Variants in ME1 observed in about 807,000 individuals in gnomAD.
The protein encoded by ME1 is malic enzyme 1.
A neutral mutation model predicts 66.4 loss-of-function variants in ME1; 74 were observed. The ratio of observed to expected loss-of-function variants is 1.11; its 90% CI spans 0.92 to 1.35. The LOEUF (loss-of-function observed/expected upper bound fraction) is 1.35. ME1 is among the 40% of genes most tolerant of loss of function. The probability of loss-of-function intolerance (pLI) is 0.00; values close to 1 mark genes in which losing one functional copy is unlikely to be tolerated. For synonymous variants in ME1, 251 were observed against 235.6 expected (o/e 1.07, Z -0.60); for missense variants, 750 against 694.1 (o/e 1.08, Z -0.90).
chr6:83,392,928 G>A (rs1216561066), intron 3 of ME1: 10 of 818,346 alleles, frequency 1.2e-5, no homozygotes, highest in African/African-American at 1.2e-4. Context: ...TGGTACCGTG[G>A]AAGGACTCAT....
intron 3 of ME1, among the ~76,000 whole-genome samples, chr6:83,389,260 G>C (rs1769573493): frequency 6.6e-6 from 1 of 152,144 alleles, no homozygotes; most frequent in Non-Finnish European, 1.5e-5. Context: ...AAGATTATAT[G>C]AATACTTTAT....
intron 1 of ME1, among the ~76,000 whole-genome samples, chr6:83,410,157 T>C (rs1770022773): frequency 6.6e-6 from 1 of 152,112 alleles, no homozygotes; most frequent in African/African-American, 2.4e-5. Flanking sequence ...CACTGCTTTC[T>C]CCCTAGTGCT....
intron 5 of ME1, among the ~76,000 whole-genome samples, chr6:83,324,365 T>C (rs567221739): frequency 1.3e-5 from 2 of 151,216 alleles, no homozygotes; most frequent in Middle Eastern, 3.4e-3. Context: ...GATAAAGACA[T>C]GAAAAACCCT....
intron 3 of ME1, among the ~76,000 whole-genome samples, chr6:83,368,256 T>C (rs1769136295): frequency 6.6e-6 from 1 of 151,542 alleles, no homozygotes; most frequent in Non-Finnish European, 1.5e-5. Flanking sequence ...ATTTGAAATA[T>C]TGTGAGAATT....
chr6:83,223,356 T>C (rs918399389), intron 12 of ME1, among the ~76,000 whole-genome samples: 3 of 152,160 alleles, frequency 2.0e-5, no homozygotes, highest in African/African-American at 7.2e-5. Flanking sequence ...AGTTTCACCA[T>C]GTTGGCCAAG....
At chr6:83,231,554 A>T (rs1790307143) in intron 9 of ME1, among the ~76,000 whole-genome samples, 1 of 152,356 alleles carries the variant, frequency 6.6e-6, no homozygotes, top group Admixed American at 6.5e-5. Context: ...AACTACTGGA[A>T]TGTGACAACC....
intron 3 of ME1, among the ~76,000 whole-genome samples, chr6:83,360,775 A>G (rs1386977050): frequency 6.6e-6 from 1 of 152,238 alleles, no homozygotes; most frequent in Non-Finnish European, 1.5e-5. Flanking sequence ...CAGACAGATC[A>G]TAGAGAATGA....
At chr6:83,292,107 T>C (rs1205030224) in intron 6 of ME1, among the ~76,000 whole-genome samples, 4 of 152,206 alleles carry the variant, frequency 2.6e-5, no homozygotes, top group Admixed American at 6.5e-5. Context: ...ATCAACCTTC[T>C]GAAGCCTACT....
intron 5 of ME1, among the ~76,000 whole-genome samples, chr6:83,316,763 C>A (rs1446762554): frequency 1.3e-5 from 2 of 151,932 alleles, no homozygotes; most frequent in Non-Finnish European, 2.9e-5. Flanking sequence ...ATCAATTTTA[C>A]CTCTATACAC....
intron 3 of ME1, among the ~76,000 whole-genome samples, chr6:83,355,137 A>G (rs796212202): frequency 3.9e-5 from 6 of 152,286 alleles, no homozygotes; most frequent in African/African-American, 1.2e-4. Context: ...TCATAGTCCA[A>G]TGTGAGCCTA....
intron 5 of ME1, among the ~76,000 whole-genome samples, chr6:83,321,379 T>C (rs1768170075): frequency 6.6e-6 from 1 of 152,280 alleles, no homozygotes; most frequent in Admixed American, 6.5e-5. Flanking sequence ...TCCATCCCTA[T>C]GGAGCCCAGC....
At chr6:83,346,613 C>G (rs556436152) in intron 4 of ME1, among the ~76,000 whole-genome samples, 79 of 152,242 alleles carry the variant, frequency 5.2e-4, no homozygotes, top group African/African-American at 1.8e-3. Context: ...TCAAGAAGAG[C>G]AAGTGGGTAA....
At chr6:83,281,665 G>C (rs1767290139) in intron 6 of ME1, among the ~76,000 whole-genome samples, 1 of 151,708 alleles carries the variant, frequency 6.6e-6, no homozygotes, top group African/African-American at 2.4e-5. Context: ...AATTAGCCGA[G>C]TGTGGTGGTG....
At position 83,315,395 on chromosome 6, in the gene ME1, G is replaced by A. The variant is rs942294122; in HGVS notation, c.619C>T (p.Leu207Phe). The change falls in exon 6 of 14, where the codon CTC becomes TTC. Residue 207 changes from leucine to phenylalanine, a missense_variant. Transcript: ENST00000369705. ...TENEELLKDPLYIGLRQRRVR... is the reference protein window; with the variant it reads ...TENEELLKDPFYIGLRQRRVR... ...CTTCTCTGCCGTAGTCCAATGTAGAGTGGATCTTTAAGTAACTCCTATTAA... is the reference window on the plus strand; with the variant it reads ...CTTCTCTGCCGTAGTCCAATGTAGAATGGATCTTTAAGTAACTCCTATTAA... The A allele has an allele frequency of 7.5e-6, 12 of 1,599,670 alleles. No individual in the cohort carries two copies. The Admixed American group carries it at 1.7e-4, about 23-fold the overall frequency.
chr6:83,241,610 CAGAA>C (rs1201319673), intron 7 of ME1, among the ~76,000 whole-genome samples: 1 of 152,004 alleles, frequency 6.6e-6, no homozygotes, highest in Non-Finnish European at 1.5e-5. Flanking sequence ...TTAATAAAAT[CAGAA>C]AGATATTTTT....
chr6:83,427,285 A>G (rs1770391104), intron 1 of ME1, among the ~76,000 whole-genome samples: 1 of 152,222 alleles, frequency 6.6e-6, no homozygotes, highest in Non-Finnish European at 1.5e-5. Context: ...AGACTCATAC[A>G]TGAATCATAA....
chr6:83,407,958 A>C (rs894003216), intron 1 of ME1, 57 bp from the exon 2 acceptor site: 3 of 1,505,380 alleles, frequency 2.0e-6, no homozygotes, highest in Non-Finnish European at 2.7e-6. Context: ...AAATAGACAA[A>C]AAGCATACAT....
In ME1 at chr6:83,223,834, G is replaced by C; in HGVS notation, c.1375C>G (p.Pro459Ala). ...PGQGNNSYVF[P>A]GVALGVVACG... Reference sequence around the variant, plus strand: ...GCCACAACACCAAGAGCAACTCCAGGGAACACATAGGAATTGTTGCCTTGG... The same window carrying C: ...GCCACAACACCAAGAGCAACTCCAGCGAACACATAGGAATTGTTGCCTTGG... Residue 459 changes from proline (P) to alanine (A), a missense_variant, in exon 12 of 14, where the codon CCT becomes GCT. Transcript: ENST00000369705. The C allele has an allele frequency of 6.2e-7, 1 of 1,613,880 alleles. No individual in the cohort carries two copies.
In ME1 at chr6:83,376,900, T is replaced by C. The variant is rs577913748; in HGVS notation, c.362+21467A>G. Reference sequence around the variant, plus strand: ...TGGCAGAAAGTAAGTCTAATTCACCTGTAAGATTTGATAAAGAGGACTGTT... The same window carrying C: ...TGGCAGAAAGTAAGTCTAATTCACCCGTAAGATTTGATAAAGAGGACTGTT... On this transcript the variant is annotated intron_variant, in intron 3 of 13. Transcript: ENST00000369705. Among the ~76,000 whole-genome samples the C allele has an allele frequency of 2.0e-5, 3 of 151,688 alleles. No individual in the cohort carries two copies. The East Asian group carries it at 5.8e-4, about 29-fold the overall frequency.
Sources: allele counts gnomAD v4.1 joint callset (sites outside exome capture counted in the v4.1 genomes callset), GRCh38; gene constraint gnomAD v4.1.1; transcripts MANE v1.5; gene names NCBI Gene and HGNC (gene_info 2026-07-23, HGNC 2026-07-21).